Variants in ATAD3A observed in about 807,000 individuals in gnomAD.
The protein encoded by ATAD3A is ATPase family AAA domain-containing protein 3A.
ATAD3A carries 46 observed loss-of-function variants against 73.8 expected under a neutral mutation model. The ratio of observed to expected loss-of-function variants is 0.62; its 90% CI spans 0.49 to 0.80. The LOEUF (loss-of-function observed/expected upper bound fraction) is 0.80. Among genes scored for constraint, ATAD3A ranks in the 30% least tolerant of loss-of-function variants. The pLI, the probability that ATAD3A is intolerant of heterozygous loss-of-function variation, is 0.00. For missense variants in ATAD3A, 705 were observed against 838.0 expected (o/e 0.84, Z 1.96); for synonymous variants, 319 against 350.0 (o/e 0.91, Z 0.99).
intron 4 of ATAD3A, among the ~76,000 whole-genome samples, chr1:1,518,621 A>ACCCCCCC (rs148694040): frequency 3.2e-4 from 12 of 38,094 alleles, no homozygotes; most frequent in African/African-American, 3.8e-4. Flanking sequence ...GGGCGTACAC[A>ACCCCCCC]CCCCCCCCCA....
intron 15 of ATAD3A, 84 bp from the exon 16 acceptor site, chr1:1,533,842 C>G: frequency 2.0e-6 from 3 of 1,507,916 alleles, no homozygotes; most frequent in Non-Finnish European, 2.7e-6. Context: ...CTGGTTTGGT[C>G]CCTCCCCACC....
chr1:1,530,787 CCACTG>C (rs1425794047), intron 15 of ATAD3A, among the ~76,000 whole-genome samples: 2 of 98,928 alleles, frequency 2.0e-5, no homozygotes, highest in South Asian at 3.7e-4. Flanking sequence ...CGAGATCCCG[CCACTG>C]CACTCCAGCC....
Position 1,523,618 on chromosome 1 carries a change from C to T in ATAD3A, c.963+51C>T, listed in dbSNP as rs1395236843. The T allele has an allele frequency of 1.2e-6, 2 of 1,610,278 alleles. No individual in the cohort carries two copies. Among genetic ancestry groups the T allele is most frequent in the Non-Finnish European group, 1.7e-6 (2 of 1,178,840 alleles). ...GAGGCGCAGGGAGGGGACCCTGGAG[C>T]TGGGCCGGGCTGTGGCCCTTGCTGG... is the stretch of plus-strand genomic sequence containing the variant. On this transcript the variant is annotated intron_variant, in intron 9 of 15. Transcript: ENST00000378756. This position sits in a 1 kb window ranked among gnomAD's most constrained non-coding sequence, Gnocchi z 5.1.
At chr1:1,528,734 C>T (rs1217623891) in intron 14 of ATAD3A, among the ~76,000 whole-genome samples, 6 of 152,260 alleles carry the variant, frequency 3.9e-5, no homozygotes, top group African/African-American at 7.2e-5. Flanking sequence ...ACCCAAATCC[C>T]TGCTGTCGCC....
intron 13 of ATAD3A, chr1:1,527,114 C>T (rs1296537043): frequency 7.9e-7 from 1 of 1,261,784 alleles, no homozygotes; most frequent in Non-Finnish European, 1.0e-6. Context: ...CTAGTCCCTC[C>T]CAAGTCCCCT....
Position 1,534,136 on chromosome 1 carries a change from G to T in ATAD3A, c.*64G>T. ...GGACCCCTCCCACCCCTGCCTTGCC[G>T]GCCCCTGCACATTTAGGATATGCTC... is the stretch of plus-strand genomic sequence containing the variant. On this transcript the variant is annotated 3_prime_UTR_variant, in exon 16 of 16. Coordinates refer to ENST00000378756, the MANE Select transcript of ATAD3A (RefSeq NM_001170535.3). 1 of 1,606,944 alleles carries T rather than the reference G, an allele frequency of 6.2e-7. No individual in the cohort carries two copies. Among genetic ancestry groups the T allele is most frequent in the Non-Finnish European group, 8.5e-7 (1 of 1,176,516 alleles).
rs774017019 is a variant in ATAD3A at position 1,534,076 on chromosome 1, C to T, written c.*4C>T. The stretch of plus-strand genomic sequence containing the variant: ...GGACGAGCCCTCCCCATCCTGAGTC[C>T]ACAGGGAGATCCACAGCTCACGGAG... On this transcript the variant is annotated 3_prime_UTR_variant, in exon 16 of 16. Transcript: ENST00000378756. 7.4e-6 allele frequency: 12 copies of T among 1,613,344 alleles called. No individual in the cohort carries two copies. The highest frequency in any genetic ancestry group is 1.6e-4 in the Middle Eastern group (1 of 6,066).
At position 1,527,803 on chromosome 1, in the gene ATAD3A, G is replaced by T. The variant is rs937019780; in HGVS notation, c.1446G>T (p.Glu482Asp). The change falls in exon 14 of 16, where the codon GAG becomes GAT. Residue 482 changes from glutamate (E) to aspartate (D), a missense_variant. This residue lies in a region of ATAD3A where 252 missense variants were observed against 278.5 expected (regional missense o/e 0.90). Transcript: ENST00000378756. ...HFDLPGQEER[E>D]RLVRMYFDKY... ...ACCTGCCAGGGCAGGAGGAACGGGA[G>T]CGCCTGGTGAGAATGTATTTTGACA... The T allele has an allele frequency of 5.1e-5, 82 of 1,613,942 alleles. No individual in the cohort carries two copies. The highest frequency in any genetic ancestry group is 6.6e-5 in the Non-Finnish European group (78 of 1,179,992).
At position 1,523,597 on chromosome 1, in the gene ATAD3A, C is replaced by A. The variant is rs368314092; in HGVS notation, c.963+30C>A. ...GTCGGTGTGCCTGGGACCGGGGAGG[C>A]GCAGGGAGGGGACCCTGGAGCTGGG... On this transcript the variant is annotated intron_variant, in intron 9 of 15. Coordinates refer to ENST00000378756, the MANE Select transcript of ATAD3A (RefSeq NM_001170535.3). This position sits in a 1 kb window ranked among gnomAD's most constrained non-coding sequence, Gnocchi z 5.1. 1.2e-6 allele frequency: 2 copies of A among 1,612,180 alleles called. No individual in the cohort carries two copies. Among genetic ancestry groups the A allele is most frequent in the Non-Finnish European group, 1.7e-6 (2 of 1,179,654 alleles).
At chr1:1,529,967 G>T (rs1171332751) in intron 15 of ATAD3A, among the ~76,000 whole-genome samples, 1 of 152,250 alleles carries the variant, frequency 6.6e-6, no homozygotes, top group Admixed American at 6.5e-5. Context: ...GCCACGCACA[G>T]GCATCACCAC....
intron 15 of ATAD3A, among the ~76,000 whole-genome samples, chr1:1,531,988 G>C (rs1243974600): frequency 6.6e-6 from 1 of 152,034 alleles, no homozygotes; most frequent in Non-Finnish European, 1.5e-5. Context: ...TTTGAATTTG[G>C]TCGAATGCTT....
chr1:1,523,840 C>T lies in ATAD3A; in HGVS notation c.965C>T (p.Pro322Leu). 6.2e-7 allele frequency: 1 copy of T among 1,613,954 alleles called. No homozygotes were observed. The highest frequency in any genetic ancestry group is 8.5e-7 in the Non-Finnish European group (1 of 1,180,010). The part of the protein sequence containing the change: ...QDALEGVVLS[P>L]SLEARVRDIA... The stretch of plus-strand genomic sequence containing the variant: ...CCAAACCCCCGTCTTCCCCGGCAGC[C>T]CAGCCTGGAAGCACGGGTGCGCGAC... The change falls in exon 10 of 16, where the codon CCC becomes CTC. Residue 322 changes from proline (P) to leucine (L), a missense_variant and splice_region_variant. Pro to Leu is a moderately conservative substitution (Grantham distance 98, BLOSUM62 -3). Transcript: ENST00000378756. The surrounding 1 kb of genome is among the most constrained non-coding windows in gnomAD (Gnocchi z 5.1).
chr1:1,516,496 C>T (rs1440773157), intron 2 of ATAD3A, among the ~76,000 whole-genome samples: 2 of 152,130 alleles, frequency 1.3e-5, no homozygotes, highest in African/African-American at 4.8e-5. Context: ...TCACTGCAAC[C>T]TCCGCTCCTG....
chr1:1,518,741 CAT>C (rs1321212645), intron 4 of ATAD3A, among the ~76,000 whole-genome samples, 178 bp from the exon 5 acceptor site: 6 of 150,442 alleles, frequency 4.0e-5, no homozygotes, highest in African/African-American at 9.8e-5. Context: ...CCCCCACACA[CAT>C]GGGCACAGTC....
chr1:1,533,119 A>T (rs1032410551), intron 15 of ATAD3A, among the ~76,000 whole-genome samples: 1 of 152,134 alleles, frequency 6.6e-6, no homozygotes, highest in African/African-American at 2.4e-5. Flanking sequence ...ACCCCGTGAG[A>T]TGAATCCTGC....
chr1:1,512,501 G>A (rs1641230249), intron 1 of ATAD3A, 28 bp downstream of exon 1: 1 of 1,078,064 alleles, frequency 9.3e-7, no homozygotes, highest in Admixed American at 5.2e-5. Flanking sequence ...GGGCGGCGCG[G>A]GCGGGCGGGC....
intron 14 of ATAD3A, 41 bp downstream of exon 14, chr1:1,527,903 G>C (rs765693980): frequency 1.9e-6 from 3 of 1,587,614 alleles, no homozygotes; most frequent in East Asian, 4.5e-5. Context: ...AGGGGCCCTC[G>C]CTCAGGGTCC....
At position 1,524,281 on chromosome 1, in the gene ATAD3A, C is replaced by T; in HGVS notation, c.1098C>T (p.Ala366=). 6.2e-7 allele frequency: 1 copy of T among 1,613,920 alleles called. No individual in the cohort carries two copies. Among genetic ancestry groups the T allele is most frequent in the Non-Finnish European group, 8.5e-7 (1 of 1,179,842 alleles). Residue 366 remains alanine, a synonymous_variant, in exon 11 of 16, where the codon GCC becomes GCT. Transcript: ENST00000378756. ...TCACTCTTCCTGTCCAGAAACTCGC[C>T]CTGCACTCAGGCATGGACTACGCCA... The part of the protein sequence containing the change: ...TGKTLFAKKL[A]LHSGMDYAIM...
chr1:1,521,692 C>A (rs888829944), intron 7 of ATAD3A, among the ~76,000 whole-genome samples: 3 of 152,210 alleles, frequency 2.0e-5, no homozygotes, highest in Admixed American at 2.0e-4. Context: ...GCTTAATGCG[C>A]CGATGACTTT....
Sources: gnomAD v4.1 joint callset for allele counts (sites outside exome capture counted in the v4.1 genomes callset) on GRCh38, gnomAD v4.1.1 for gene constraint, gnomAD v4.1.1 regional missense constraint, Gnocchi (gnomAD v3.1) non-coding constraint, MANE v1.5 for transcripts, NCBI Gene and HGNC (gene_info 2026-07-23, HGNC 2026-07-21) for gene names.